Variants in FHAD1 observed in about 807,000 individuals in gnomAD.
The protein encoded by FHAD1 is forkhead associated phosphopeptide binding domain 1.
A neutral mutation model predicts 191.3 loss-of-function variants in FHAD1; 146 were observed. The ratio of observed to expected loss-of-function variants is 0.76; its 90% CI spans 0.67 to 0.88. FHAD1 has a LOEUF of 0.88. FHAD1 is among the 40% of genes least tolerant of loss of function. FHAD1 has a pLI of 0.00. For synonymous variants in FHAD1, 616 were observed against 672.3 expected (o/e 0.92, Z 1.29); for missense variants, 1,635 against 1,785.8 (o/e 0.92, Z 1.52).
intron 1 of FHAD1, among the ~76,000 whole-genome samples, chr1:15,237,539 C>A (rs1345933054): frequency 6.6e-6 from 1 of 152,196 alleles, no homozygotes; most frequent in African/African-American, 2.4e-5. Flanking sequence ...CCAACCCCAG[C>A]CCCTCAGCCC....
chr1:15,313,517 C>A (rs924075516), intron 8 of FHAD1, among the ~76,000 whole-genome samples: 1 of 152,154 alleles, frequency 6.6e-6, no homozygotes, highest in Non-Finnish European at 1.5e-5. Flanking sequence ...TTAATTCCAG[C>A]AGTAAATGCA....
At chr1:15,291,009 C>T (rs1664531421) in intron 4 of FHAD1, among the ~76,000 whole-genome samples, 1 of 151,944 alleles carries the variant, frequency 6.6e-6, no homozygotes, top group Admixed American at 6.6e-5. Context: ...CCACTGCGCC[C>T]AGCCTTAATA....
At chr1:15,271,086 CTAAGATCG>C in intron 2 of FHAD1, among the ~76,000 whole-genome samples, 2 of 137,680 alleles carry the variant, frequency 1.5e-5, no homozygotes, top group African/African-American at 2.8e-5. Context: ...TTGCAGTGAG[CTAAGATCG>C]CACCACTGCA....
chr1:15,358,137 G>T lies in FHAD1; in HGVS notation c.2590G>T (p.Asp864Tyr), dbSNP rs1044108077. Residue 864 changes from aspartate to tyrosine, a missense_variant, in exon 21 of 34, where the codon GAC becomes TAC. By Grantham distance (160) the Asp-to-Tyr change is radical. Transcript: ENST00000688493. Reference sequence around the variant, plus strand: ...ATTAGAATTAAAAGAGCAAAAAGAGGACGTTTTAAATAATAAATTAAGTGA... The same window carrying T: ...ATTAGAATTAAAAGAGCAAAAAGAGTACGTTTTAAATAATAAATTAAGTGA... ...EELELKEQKE[D>Y]VLNNKLSDAL... 3.3e-6 allele frequency: 5 copies of T among 1,511,636 alleles called. No individual in the cohort carries two copies. The highest frequency in any genetic ancestry group is 2.6e-6 in the Non-Finnish European group (3 of 1,137,084). 93.6% of individuals were successfully genotyped at this position (1,511,636 alleles called of 1,614,324 possible). A position where few individuals can be genotyped will look rare whatever the true frequency, so the allele number is the denominator to read the frequency against.
Position 15,251,406 on chromosome 1 carries a change from T to C in FHAD1, c.-14-365T>C, listed in dbSNP as rs568772249. On this transcript the variant is annotated intron_variant, in intron 1 of 33. Transcript: ENST00000688493. Reference sequence around the variant, plus strand: ...AGGAACACAGAACTTGAATACTTGGTAAGTCAGATCACTAAGCTTATACTA... The same window carrying C: ...AGGAACACAGAACTTGAATACTTGGCAAGTCAGATCACTAAGCTTATACTA... Among the ~76,000 whole-genome samples the C allele has an allele frequency of 4.6e-5, 7 of 152,312 alleles. No homozygotes were observed. The East Asian group carries it at 1.3e-3, about 29-fold the overall frequency.
At chr1:15,267,612 T>C (rs1297954773) in intron 2 of FHAD1, among the ~76,000 whole-genome samples, 1 of 151,988 alleles carries the variant, frequency 6.6e-6, no homozygotes, top group Non-Finnish European at 1.5e-5. Context: ...GGTTATTAAC[T>C]ATTGATTCAA....
intron 8 of FHAD1, among the ~76,000 whole-genome samples, chr1:15,313,710 G>C (rs1254442138): frequency 6.6e-6 from 1 of 152,144 alleles, no homozygotes; most frequent in Non-Finnish European, 1.5e-5. Context: ...TCTTCCCTTA[G>C]ACTTTAGTGT....
intron 23 of FHAD1, among the ~76,000 whole-genome samples, chr1:15,365,481 A>AT (rs71587751): frequency 0.021 from 2,382 of 112,722 alleles, 118 homozygotes; most frequent in African/African-American, 0.059. Context: ...TGCCTGGCTA[A>AT]TTTTTTTTTT....
chr1:15,385,957 A>T (rs1467769315), intron 31 of FHAD1, among the ~76,000 whole-genome samples: 2 of 152,216 alleles, frequency 1.3e-5, no homozygotes, highest in Non-Finnish European at 2.9e-5. Flanking sequence ...TGTGACAGTG[A>T]CAATGGCCCA....
At chr1:15,263,575 G>T (rs1652084332) in intron 2 of FHAD1, among the ~76,000 whole-genome samples, 1 of 138,124 alleles carries the variant, frequency 7.2e-6, no homozygotes, top group South Asian at 2.4e-4. Flanking sequence ...AGGCTGGAGT[G>T]CAGTGGCGCA....
At chr1:15,268,018 A>G (rs1654301190) in intron 2 of FHAD1, among the ~76,000 whole-genome samples, 1 of 150,674 alleles carries the variant, frequency 6.6e-6, no homozygotes, top group African/African-American at 2.4e-5. Context: ...TTATACTTTT[A>G]AGTTTTAGGG....
intron 14 of FHAD1, among the ~76,000 whole-genome samples, chr1:15,336,772 C>T (rs1684293769): frequency 6.6e-6 from 1 of 152,168 alleles, no homozygotes; most frequent in Non-Finnish European, 1.5e-5. Flanking sequence ...CACGGGCCCC[C>T]TGCAGCACTG....
rs781655784 is a variant in FHAD1, at chr1:15,381,188, G to A, written c.3802-43G>A. The stretch of plus-strand genomic sequence containing the variant: ...TGGCCTCCTTAAAGCGGCCACCAGC[G>A]GCCGCGGGTAATGCCTCTTATGCGC... On this transcript the variant is annotated intron_variant, in intron 29 of 33. Coordinates refer to ENST00000688493, the MANE Select transcript of FHAD1 (RefSeq NM_001391957.1). This position sits in a 1 kb window ranked among gnomAD's most constrained non-coding sequence, Gnocchi z 4.6. The A allele has an allele frequency of 1.1e-5, 16 of 1,400,084 alleles. No individual in the cohort carries two copies. The highest frequency in any genetic ancestry group is 4.1e-5 in the Admixed American group (2 of 48,534). The allele number at this position is 1,400,084 out of a possible 1,614,324, so 86.7% of individuals were successfully genotyped here. A position where few individuals can be genotyped will look rare whatever the true frequency, so the allele number is the denominator to read the frequency against.
chr1:15,288,298 A>G (rs1663219820), intron 3 of FHAD1, among the ~76,000 whole-genome samples: 1 of 152,244 alleles, frequency 6.6e-6, no homozygotes, highest in African/African-American at 2.4e-5. Flanking sequence ...CCAGGGAGAA[A>G]CCACCACTAA....
At chr1:15,372,129 G>A (rs556928736) in intron 26 of FHAD1, among the ~76,000 whole-genome samples, 2 of 152,246 alleles carry the variant, frequency 1.3e-5, no homozygotes, top group South Asian at 2.1e-4. Context: ...AGTGACGCGG[G>A]GGCATGGGGG....
chr1:15,320,849 A>G (rs1676008876), intron 10 of FHAD1, among the ~76,000 whole-genome samples: 1 of 152,190 alleles, frequency 6.6e-6, no homozygotes, highest in African/African-American at 2.4e-5. Context: ...ATTTAAATTT[A>G]TCTACTTGCT....
At chr1:15,383,381 A>T (rs538686603) in intron 31 of FHAD1, 6 of 400,718 alleles carry the variant, frequency 1.5e-5, no homozygotes, top group Non-Finnish European at 2.5e-5. Context: ...GCTGCCCGTG[A>T]CCCATGCAGG....
intron 1 of FHAD1, among the ~76,000 whole-genome samples, chr1:15,248,895 A>AC (rs1646426203): frequency 6.7e-6 from 1 of 149,392 alleles, no homozygotes; most frequent in Non-Finnish European, 1.5e-5. Flanking sequence ...GCCAGAGATG[A>AC]CATTTTTATC....
chr1:15,295,651 A>G (rs1011295795), intron 4 of FHAD1, among the ~76,000 whole-genome samples: 5 of 152,140 alleles, frequency 3.3e-5, no homozygotes, highest in African/African-American at 1.2e-4. Context: ...ATATATATAC[A>G]CACATACTCA....
Sources: allele counts gnomAD v4.1 joint callset (sites outside exome capture counted in the v4.1 genomes callset), GRCh38; gene constraint gnomAD v4.1.1; non-coding constraint Gnocchi (gnomAD v3.1); transcripts MANE v1.5; gene names NCBI Gene and HGNC (gene_info 2026-07-23, HGNC 2026-07-21).